TASOR: variants seen among roughly 807,000 people sequenced by gnomAD.
TASOR encodes transcription activation suppressor.
Under a neutral mutation model 178.6 loss-of-function variants are expected in TASOR, and 53 were observed. The observed-to-expected ratio is 0.30, with a 90% CI of 0.24 to 0.37. TASOR has a LOEUF of 0.37. Among genes scored for constraint, TASOR ranks in the 10% least tolerant of loss-of-function variants. TASOR has a pLI of 1.00. For missense variants in TASOR, 1,815 were observed against 1,971.4 expected, an observed-to-expected ratio of 0.92 and a Z score of 1.50; for synonymous variants, 713 against 696.2, an observed-to-expected ratio of 1.02 and a Z score of -0.38.
chr3:56,679,627 T>C (rs1215417955), intron 1 of TASOR, among the ~76,000 whole-genome samples: 1 of 152,210 alleles, frequency 6.6e-6, no homozygotes, highest in Non-Finnish European at 1.5e-5. Context: ...ATGAGCGCAA[T>C]TAATTTTTGA....
intron 14 of TASOR, among the ~76,000 whole-genome samples, chr3:56,644,175 C>A (rs144754505): frequency 1.3e-5 from 2 of 152,324 alleles, no homozygotes; most frequent in African/African-American, 4.8e-5. Context: ...AACTTCATAA[C>A]TTTTGGTAAA....
intron 17 of TASOR, among the ~76,000 whole-genome samples, chr3:56,636,474 G>A (rs901341708): frequency 3.3e-5 from 4 of 119,872 alleles, no homozygotes; most frequent in African/African-American, 8.3e-5. Flanking sequence ...GTGAGATCTC[G>A]GCTCACTGCA....
At chr3:56,679,590 G>T (rs951300556) in intron 1 of TASOR, among the ~76,000 whole-genome samples, 3 of 152,132 alleles carry the variant, frequency 2.0e-5, no homozygotes, top group African/African-American at 7.2e-5. Flanking sequence ...ATTACTTCTG[G>T]ACTAAACCAG....
intron 16 of TASOR, 50 bp from the exon 17 acceptor site, chr3:56,638,815 A>G: frequency 1.9e-6 from 3 of 1,570,226 alleles, no homozygotes; most frequent in South Asian, 1.1e-5. Flanking sequence ...TGATACCTAC[A>G]CTAAGCACCT....
At chr3:56,641,215 A>T in intron 15 of TASOR, 134 bp downstream of exon 15, 2 of 782,918 alleles carry the variant, frequency 2.6e-6, no homozygotes, top group Non-Finnish European at 4.0e-6. Context: ...GTACCATCCT[A>T]GACAGGCACC....
At chr3:56,661,224 G>A (rs2077587189) in intron 9 of TASOR, among the ~76,000 whole-genome samples, 1 of 152,180 alleles carries the variant, frequency 6.6e-6, no homozygotes, top group South Asian at 2.1e-4. Flanking sequence ...ACAGCTCACT[G>A]CAGCTTCAAC....
intron 1 of TASOR, among the ~76,000 whole-genome samples, chr3:56,682,037 T>C (rs2031837766): frequency 6.6e-6 from 1 of 152,164 alleles, no homozygotes; most frequent in Admixed American, 6.5e-5. Flanking sequence ...AAAACAATAC[T>C]AAGTTCGAAT....
chr3:56,630,501 ATAAAT>A (rs2076886242), intron 18 of TASOR, among the ~76,000 whole-genome samples: 1 of 152,236 alleles, frequency 6.6e-6, no homozygotes, highest in South Asian at 2.1e-4. Context: ...TCTATGCCAG[ATAAAT>A]TAAAAGCACA....
chr3:56,624,148 T>C (rs537170543), intron 23 of TASOR, among the ~76,000 whole-genome samples: 1 of 152,298 alleles, frequency 6.6e-6, no homozygotes, highest in East Asian at 1.9e-4. Context: ...TACCTTTTTA[T>C]TAATATAACC....
Position 56,633,224 on chromosome 3 carries a change from T to G in TASOR, c.3567A>C (p.Glu1189Asp). 6.2e-7 allele frequency: 1 copy of G among 1,614,196 alleles called. No homozygotes were observed. The highest frequency in any genetic ancestry group is 8.5e-7 in the Non-Finnish European group (1 of 1,180,032). Residue 1189 changes from glutamate to aspartate, a missense_variant, in exon 18 of 24, where the codon GAA becomes GAC. Transcript: ENST00000683822. ...PGDMAREPVE[E>D]TTKSPSDVNI... Reference sequence around the variant, plus strand: ...TTACATCACTGGGGGATTTTGTTGTTTCTTCTACTGGTTCCCGGGCCATAT... The same window carrying G: ...TTACATCACTGGGGGATTTTGTTGTGTCTTCTACTGGTTCCCGGGCCATAT...
chr3:56,626,117 A>C (rs185090287), intron 21 of TASOR, among the ~76,000 whole-genome samples: 2 of 152,308 alleles, frequency 1.3e-5, no homozygotes, highest in African/African-American at 2.4e-5. Flanking sequence ...ACACAATGTA[A>C]ATTCTTTTAA....
Position 56,641,729 on chromosome 3 carries a change from G to C in TASOR, c.2239C>G (p.Leu747Val). Reference protein sequence around the residue: ...YEESPQPIGSLGHDADLRRQQ... With the variant: ...YEESPQPIGSVGHDADLRRQQ... ...CGCCTCAAGTCAGCATCATGTCCAA[G>C]TGAGCCAATAGGCTGTGGAGACTCT... The change falls in exon 15 of 24, where the codon CTT (leucine) becomes GTT (valine). Residue 747 changes from leucine to valine, a missense_variant. Leu to Val is a conservative substitution (Grantham distance 32, BLOSUM62 1). Around this residue, in one of 5 missense-constraint regions of TASOR, gnomAD observed 655 missense variants for 671.1 expected, o/e 0.98. Transcript: ENST00000683822. 1.2e-6 allele frequency: 2 copies of C among 1,614,024 alleles called. No individual in the cohort carries two copies. The highest frequency in any genetic ancestry group is 1.7e-6 in the Non-Finnish European group (2 of 1,179,908).
intron 19 of TASOR, among the ~76,000 whole-genome samples, chr3:56,628,079 A>T (rs2107532067): frequency 6.6e-6 from 1 of 152,330 alleles, no homozygotes; most frequent in African/African-American, 2.4e-5. Context: ...GTCAATCAGG[A>T]AAGACGTCCA....
chr3:56,654,194 G>A (rs2107596155), intron 11 of TASOR, among the ~76,000 whole-genome samples: 1 of 152,218 alleles, frequency 6.6e-6, no homozygotes, highest in Admixed American at 6.5e-5. Flanking sequence ...TTGAACCCGG[G>A]AGGCAGAGGT....
intron 3 of TASOR, chr3:56,671,383 C>A: frequency 2.2e-6 from 1 of 448,336 alleles, no homozygotes; most frequent in South Asian, 4.4e-5. Context: ...TTATCAAGCA[C>A]ATTCTAGGGG....
chr3:56,679,696 T>A lies in TASOR; in HGVS notation c.331+2980A>T, dbSNP rs116150593. Among the ~76,000 whole-genome samples the A allele has an allele frequency of 5.6e-3, 860 of 152,304 alleles. 12 individuals carry two copies. The highest frequency in any genetic ancestry group is 0.02 in the African/African-American group (826 of 41,566). ...TAAACGTTTTCCAGAAAGTGAATCA[T>A]CGCTACTCCATTTCCCAAGAACTTT... On this transcript the variant is annotated intron_variant, in intron 1 of 23. Coordinates refer to ENST00000683822, the MANE Select transcript of TASOR (RefSeq NM_001365635.2).
chr3:56,632,670 A>C (rs1353477194), intron 18 of TASOR, among the ~76,000 whole-genome samples: 1 of 152,188 alleles, frequency 6.6e-6, no homozygotes. Context: ...TTATTTTTAG[A>C]GACAGGGTCT....
intron 8 of TASOR, among the ~76,000 whole-genome samples, chr3:56,662,749 G>A (rs75985349): frequency 0.01 from 1,559 of 152,286 alleles, 15 homozygotes; most frequent in Middle Eastern, 0.061. Flanking sequence ...GTCATTATCA[G>A]AAAAGTTGGG....
chr3:56,625,161 G>A (rs1020879952), intron 21 of TASOR, among the ~76,000 whole-genome samples, 155 bp from the exon 22 acceptor site: 3 of 151,988 alleles, frequency 2.0e-5, no homozygotes, highest in African/African-American at 4.8e-5. Context: ...GTGCTTCTTT[G>A]GAAAGAAAGA....
Sources: gnomAD v4.1 joint callset for allele counts (sites outside exome capture counted in the v4.1 genomes callset) on GRCh38, gnomAD v4.1.1 for gene constraint, gnomAD v4.1.1 regional missense constraint, MANE v1.5 for transcripts, NCBI Gene and HGNC (gene_info 2026-07-23, HGNC 2026-07-21) for gene names.